PPP2R5D: variants seen among roughly 807,000 people sequenced by gnomAD.
PPP2R5D encodes protein phosphatase 2 regulatory subunit B'delta.
In PPP2R5D, 12 loss-of-function variants were observed where a neutral mutation model predicts 79.1. That is an observed-to-expected ratio of 0.15 (90% CI 0.10 to 0.25). The LOEUF is 0.25. Among genes scored for constraint, PPP2R5D ranks in the 10% least tolerant of loss-of-function variants. The pLI is 1.00. For missense variants in PPP2R5D, 419 were observed against 760.2 expected (o/e 0.55, Z 5.28); for synonymous variants, 277 against 286.6 (o/e 0.97, Z 0.34).
At position 43,012,303 on chromosome 6, in the gene PPP2R5D, C is replaced by T. The variant is rs1194948642; in HGVS notation, c.*1017C>T. The stretch of plus-strand genomic sequence containing the variant: ...AGGTGGGTTGGGCTTGGACCGATGT[C>T]CCCATATGTACAGAACTGAATAAAG... On this transcript the variant is annotated 3_prime_UTR_variant, in exon 16 of 16. Coordinates refer to ENST00000485511, the MANE Select transcript of PPP2R5D (RefSeq NM_006245.4). 10 of 1,397,646 alleles carry T rather than the reference C, an allele frequency of 7.2e-6. No individual in the cohort carries two copies. Among genetic ancestry groups the T allele is most frequent in the Non-Finnish European group, 9.3e-6 (10 of 1,074,790 alleles). The allele number at this position is 1,397,646 out of a possible 1,614,324, so 86.6% of individuals were successfully genotyped here.
chr6:42,995,487 T>C (rs1771590103), intron 2 of PPP2R5D, among the ~76,000 whole-genome samples: 1 of 152,104 alleles, frequency 6.6e-6, no homozygotes, highest in African/African-American at 2.4e-5. Context: ...TGCTCACAGA[T>C]GCAGTTCCAC....
In PPP2R5D at chr6:43,006,867, G is replaced by A. The variant is rs762031220; in HGVS notation, c.323-44G>A. ...CCTTGAAGGCAAGCAGGGCATCGCA[G>A]TGAAGGACTACAGAGGAGAACCTGA... is the stretch of plus-strand genomic sequence containing the variant. On this transcript the variant is annotated intron_variant, in intron 3 of 15. Transcript: ENST00000485511. This position sits in a 1 kb window ranked among gnomAD's most constrained non-coding sequence, Gnocchi z 4.7. 2.5e-6 allele frequency: 4 copies of A among 1,608,996 alleles called. No individual in the cohort carries two copies. The highest frequency in any genetic ancestry group is 1.1e-5 in the South Asian group (1 of 90,950).
Position 43,009,061 on chromosome 6 carries a change from T to A in PPP2R5D, c.1085T>A (p.Ile362Asn). The change falls in exon 11 of 16, where the codon ATT becomes AAT. Residue 362 changes from isoleucine to asparagine, a missense_variant. This residue lies in a region of PPP2R5D where 196 missense variants were observed against 424.5 expected (regional missense o/e 0.46). Transcript: ENST00000485511. The surrounding 1 kb of genome is among the most constrained non-coding windows in gnomAD (Gnocchi z 5.6). ...CATGCCCTCCTTGTCTCCCAGGTAATTGTGGGACTTCTCAAGTTTTGGCCC... is the reference window on the plus strand; with the variant it reads ...CATGCCCTCCTTGTCTCCCAGGTAAATGTGGGACTTCTCAAGTTTTGGCCC... Reference protein sequence around the residue: ...EKESSLTEPVIVGLLKFWPKT... With the variant: ...EKESSLTEPVNVGLLKFWPKT... 1 of 1,613,786 alleles carries A rather than the reference T, an allele frequency of 6.2e-7. No homozygotes were observed. Among genetic ancestry groups the A allele is most frequent in the Non-Finnish European group, 8.5e-7 (1 of 1,179,822 alleles).
At chr6:42,990,699 C>CTTTTTTTTTTTTTT (rs70990164) in intron 2 of PPP2R5D, among the ~76,000 whole-genome samples, 2 of 51,572 alleles carry the variant, frequency 3.9e-5, no homozygotes, top group Non-Finnish European at 6.7e-5. Flanking sequence ...CAGTATTCTA[C>CTTTTTTTTTTTTTT]TTTTTTTTTT....
chr6:43,006,424 C>G lies in PPP2R5D; in HGVS notation c.106-39C>G, dbSNP rs770843959. 2 of 1,604,438 alleles carry G rather than the reference C, an allele frequency of 1.2e-6. No individual in the cohort carries two copies. Among genetic ancestry groups the G allele is most frequent in the Non-Finnish European group, 1.7e-6 (2 of 1,175,572 alleles). ...GCCAGGCCCAGGGTGGGAGGCATAT[C>G]TTGGGAAGTGGATTTCAACAGGTGA... On this transcript the variant is annotated intron_variant, in intron 2 of 15. Transcript: ENST00000485511. The surrounding 1 kb of genome is among the most constrained non-coding windows in gnomAD (Gnocchi z 4.7).
chr6:43,006,487 C>T lies in PPP2R5D; in HGVS notation c.130C>T (p.Pro44Ser). 1 of 1,613,566 alleles carries T rather than the reference C, an allele frequency of 6.2e-7. No individual in the cohort carries two copies. The highest frequency in any genetic ancestry group is 2.2e-5 in the East Asian group (1 of 44,876). The change falls in exon 3 of 16, where the codon CCC (proline) becomes TCC (serine). Residue 44 changes from proline to serine, a missense_variant. Physicochemically the swap from Pro to Ser is moderately conservative, Grantham distance 74. Coordinates refer to ENST00000485511, the MANE Select transcript of PPP2R5D (RefSeq NM_006245.4). The surrounding 1 kb of genome is among the most constrained non-coding windows in gnomAD (Gnocchi z 4.7). Reference sequence around the variant, plus strand: ...GGCCCAGCCGCAGCCCCAGCCCCAGCCCCAGCCCCAAGCCCAGTCTCAGCC... The same window carrying T: ...GGCCCAGCCGCAGCCCCAGCCCCAGTCCCAGCCCCAAGCCCAGTCTCAGCC... ...EEAQPQPQPQ[P>S]QPQAQSQPPS... is the part of the protein sequence containing the mutation.
In PPP2R5D at chr6:43,009,042, C is replaced by G; in HGVS notation, c.1081-15C>G. 6.2e-7 allele frequency: 1 copy of G among 1,612,358 alleles called. No homozygotes were observed. The highest frequency in any genetic ancestry group is 8.5e-7 in the Non-Finnish European group (1 of 1,178,856). On this transcript the variant is annotated splice_polypyrimidine_tract_variant and intron_variant, in intron 10 of 15. Transcript: ENST00000485511. The surrounding 1 kb of genome is among the most constrained non-coding windows in gnomAD (Gnocchi z 5.6). ...TGCAAAGAATTTTCATCCCCATGCC[C>G]TCCTTGTCTCCCAGGTAATTGTGGG... is the stretch of plus-strand genomic sequence containing the variant.
At chr6:43,003,762 C>T (rs1050337199) in intron 2 of PPP2R5D, among the ~76,000 whole-genome samples, 3 of 151,906 alleles carry the variant, frequency 2.0e-5, no homozygotes, top group African/African-American at 7.3e-5. Context: ...TTTGAGACGG[C>T]GTCTCGCTGT....
chr6:43,000,606 C>A (rs1189279992), intron 2 of PPP2R5D, among the ~76,000 whole-genome samples: 1 of 152,196 alleles, frequency 6.6e-6, no homozygotes, highest in Non-Finnish European at 1.5e-5. Flanking sequence ...ATGCCCCTCT[C>A]TGGCTGCCTC....
At chr6:42,990,626 C>T (rs1487554705) in intron 2 of PPP2R5D, among the ~76,000 whole-genome samples, 1 of 151,108 alleles carries the variant, frequency 6.6e-6, no homozygotes, top group African/African-American at 2.4e-5. Context: ...AGGTTTTCCC[C>T]ATTTTATAGG....
At position 42,984,690 on chromosome 6, in the gene PPP2R5D, C is replaced by G; in HGVS notation, c.13C>G (p.Leu5Val). The change falls in exon 1 of 16, where the codon CTG (leucine) becomes GTG (valine). Residue 5 changes from leucine to valine, a missense_variant. Physicochemically the swap from Leu to Val is conservative, Grantham distance 32. This residue lies in a region of PPP2R5D where 110 missense variants were observed against 147.6 expected (regional missense o/e 0.75). Coordinates refer to ENST00000485511, the MANE Select transcript of PPP2R5D (RefSeq NM_006245.4). MPYK[L>V]KKEKEPPKVA... ...CGGACGGGCCGAGATGCCCTATAAA[C>G]TGAAAAAGGAGAAGGTGAGCGTGGC... 6.2e-7 allele frequency: 1 copy of G among 1,611,844 alleles called. No homozygotes were observed.
chr6:42,994,818 CAAA>C (rs57606135), intron 2 of PPP2R5D, among the ~76,000 whole-genome samples: 1 of 110,156 alleles, frequency 9.1e-6, no homozygotes. Flanking sequence ...AACTCCATCT[CAAA>C]AAAAAAAAAA....
Position 43,011,294 on chromosome 6 carries a change from C to T in PPP2R5D, c.*8C>T, listed in dbSNP as rs965097161. 2.2e-5 allele frequency: 35 copies of T among 1,613,626 alleles called. No homozygotes were observed. The highest frequency in any genetic ancestry group is 6.7e-5 in the East Asian group (3 of 44,868). ...AGCCAGGAGGCTCTCTGACCCCTCA[C>T]GTTCCTACCACAGGGCCACAGCCCA... is the stretch of plus-strand genomic sequence containing the variant. On this transcript the variant is annotated 3_prime_UTR_variant, in exon 16 of 16. Transcript: ENST00000485511.
At chr6:42,988,505 C>A (rs1433113837) in intron 1 of PPP2R5D, among the ~76,000 whole-genome samples, 1 of 152,198 alleles carries the variant, frequency 6.6e-6, no homozygotes, top group Admixed American at 6.5e-5. Flanking sequence ...CAAGTTGCAT[C>A]CAAGGCATCC....
chr6:43,007,571 A>G lies in PPP2R5D; in HGVS notation c.726+65A>G, dbSNP rs1762156700. The stretch of plus-strand genomic sequence containing the variant: ...TCCATGCCCCCTTCATCTGTGTCCC[A>G]GTGGCTCTTTCCCCTTAAGCTGAAT... On this transcript the variant is annotated intron_variant, in intron 6 of 15. Coordinates refer to ENST00000485511, the MANE Select transcript of PPP2R5D (RefSeq NM_006245.4). The surrounding 1 kb of genome is among the most constrained non-coding windows in gnomAD (Gnocchi z 4.5). 1 of 1,422,632 alleles carries G rather than the reference A, an allele frequency of 7.0e-7. No individual in the cohort carries two copies. The highest frequency in any genetic ancestry group is 9.9e-7 in the Non-Finnish European group (1 of 1,007,096). 88.1% of individuals were successfully genotyped at this position (1,422,632 alleles called of 1,614,324 possible). A position where few individuals can be genotyped will look rare whatever the true frequency, so the allele number is the denominator to read the frequency against.
Position 43,008,048 on chromosome 6 carries a change from C to A in PPP2R5D, c.840C>A (p.Ile280=). 6.2e-7 allele frequency: 1 copy of A among 1,614,224 alleles called. No individual in the cohort carries two copies. The highest frequency in any genetic ancestry group is 8.5e-7 in the Non-Finnish European group (1 of 1,180,044). ...LGLRAYIRRQ[I]NHIFYRFIYE... ...TCCGGGCTTATATCCGTAGGCAGAT[C>A]AACCACATCTTCTACAGGTGAGGCC... is the stretch of plus-strand genomic sequence containing the variant. The change falls in exon 7 of 16, where the codon ATC becomes ATA. Residue 280 remains isoleucine (I), a synonymous_variant. Transcript: ENST00000485511. The surrounding 1 kb of genome is among the most constrained non-coding windows in gnomAD (Gnocchi z 4.2).
chr6:42,986,614 G>C (rs1770873178), intron 1 of PPP2R5D, among the ~76,000 whole-genome samples: 1 of 152,026 alleles, frequency 6.6e-6, no homozygotes, highest in African/African-American at 2.4e-5. Flanking sequence ...TGGGCATGCG[G>C]AGGTGGTTTG....
intron 2 of PPP2R5D, among the ~76,000 whole-genome samples, chr6:42,991,179 G>C (rs967969339): frequency 7.9e-5 from 12 of 152,144 alleles, no homozygotes; most frequent in Non-Finnish European, 1.8e-4. Flanking sequence ...TTGGTTCATA[G>C]TAAATGCTTC....
At chr6:42,987,431 T>C (rs1770934584) in intron 1 of PPP2R5D, among the ~76,000 whole-genome samples, 1 of 152,090 alleles carries the variant, frequency 6.6e-6, no homozygotes, top group Non-Finnish European at 1.5e-5. Flanking sequence ...ATAATAGTAA[T>C]AACATTGACC....
Sources: allele counts gnomAD v4.1 joint callset (sites outside exome capture counted in the v4.1 genomes callset), GRCh38; gene constraint gnomAD v4.1.1; regional missense constraint gnomAD v4.1.1; non-coding constraint Gnocchi (gnomAD v3.1); transcripts MANE v1.5; gene names NCBI Gene and HGNC (gene_info 2026-07-23, HGNC 2026-07-21).